The following RIMS1 variants were observed in gnomAD, a reference collection of about 807,000 sequenced individuals.
RIMS1 encodes regulating synaptic membrane exocytosis protein 1.
Under a neutral mutation model 214.1 loss-of-function variants are expected in RIMS1, and 83 were observed. The observed-to-expected ratio is 0.39, with a 90% CI of 0.32 to 0.47. RIMS1 has a LOEUF of 0.47. RIMS1 is among the 20% of genes least tolerant of loss of function. RIMS1 has a pLI of 0.99. For synonymous variants in RIMS1, 793 were observed against 786.8 expected, an observed-to-expected ratio of 1.01 and a Z score of -0.13; for missense variants, 2,050 against 2,161.8, an observed-to-expected ratio of 0.95 and a Z score of 1.03.
At chr6:72,008,858 C>T (rs1295661836) in intron 2 of RIMS1, among the ~76,000 whole-genome samples, 2 of 152,080 alleles carry the variant, frequency 1.3e-5, no homozygotes, top group African/African-American at 4.8e-5. Context: ...GACTTAGACT[C>T]CCACACAATA....
intron 6 of RIMS1, among the ~76,000 whole-genome samples, chr6:72,186,722 A>G (rs986106366): frequency 3.9e-5 from 6 of 152,102 alleles, no homozygotes; most frequent in Non-Finnish European, 8.8e-5. Flanking sequence ...ACAAAATATT[A>G]TAATTTAAGA....
intron 4 of RIMS1, among the ~76,000 whole-genome samples, chr6:72,115,930 CAT>C (rs1282215986): frequency 6.6e-6 from 1 of 151,774 alleles, no homozygotes; most frequent in East Asian, 1.9e-4. Context: ...CATGTTTAAA[CAT>C]ATTTTAGAAC....
intron 4 of RIMS1, among the ~76,000 whole-genome samples, chr6:72,104,703 T>G (rs1465041770): frequency 1.3e-5 from 2 of 152,216 alleles, no homozygotes; most frequent in Non-Finnish European, 2.9e-5. Flanking sequence ...CTTGCTGTTC[T>G]TATAAAAATT....
rs572956514 is a variant in RIMS1, at chr6:72,359,640, C to T, written c.4366+25805C>T. Among the ~76,000 whole-genome samples, 20 of 152,208 alleles carry T rather than the reference C, an allele frequency of 1.3e-4. No individual in the cohort carries two copies. In the South Asian group the frequency reaches 3.7e-3, roughly 28 times the overall value. On this transcript the variant is annotated intron_variant, in intron 29 of 33. Coordinates refer to ENST00000521978, the MANE Select transcript of RIMS1 (RefSeq NM_014989.7). ...CACCCATAGAGTCATCAAAACGTCC[C>T]TAGTACAAGAAAATTAATTGACTAC...
intron 16 of RIMS1, among the ~76,000 whole-genome samples, chr6:72,255,571 G>A (rs1181788918): frequency 1.3e-5 from 2 of 152,096 alleles, no homozygotes; most frequent in African/African-American, 2.4e-5. Context: ...TGTAGTTATA[G>A]CCTTATTGTT....
In RIMS1 at chr6:72,057,606, T is replaced by C. The variant is rs185679718; in HGVS notation, c.246-39343T>C. On this transcript the variant is annotated intron_variant, in intron 2 of 33. Coordinates refer to ENST00000521978, the MANE Select transcript of RIMS1 (RefSeq NM_014989.7). ...CACTGCAAGCTCCGCCTCCCAGGTT[T>C]ACGCCATTCTCCTGCTTCAGCCTCC... is the stretch of plus-strand genomic sequence containing the variant. Among the ~76,000 whole-genome samples, 197 of 151,686 alleles carry C rather than the reference T, an allele frequency of 1.3e-3. 2 individuals carry two copies. The East Asian group carries it at 0.027, about 21-fold the overall frequency.
chr6:72,262,892 T>C (rs1197061327), intron 19 of RIMS1: 7 of 540,008 alleles, frequency 1.3e-5, no homozygotes, highest in Non-Finnish European at 1.4e-5. Context: ...ATAACATTTA[T>C]TTAATAACAA....
intron 6 of RIMS1, among the ~76,000 whole-genome samples, chr6:72,213,515 A>G (rs1426430103): frequency 6.6e-6 from 1 of 152,198 alleles, no homozygotes; most frequent in East Asian, 1.9e-4. Context: ...TGAAGATTAG[A>G]AAATCAATGT....
chr6:72,016,432 G>C (rs921373447), intron 2 of RIMS1, among the ~76,000 whole-genome samples: 1 of 152,130 alleles, frequency 6.6e-6, no homozygotes, highest in Non-Finnish European at 1.5e-5. Flanking sequence ...AGTATTTACA[G>C]ATACTTTGTT....
intron 3 of RIMS1, among the ~76,000 whole-genome samples, chr6:72,098,345 C>T (rs2032510188): frequency 6.7e-6 from 1 of 149,454 alleles, no homozygotes; most frequent in Non-Finnish European, 1.5e-5. Context: ...GTCACCCAGG[C>T]TGGATTGCAG....
At chr6:72,328,900 C>T (rs1376649971) in intron 28 of RIMS1, among the ~76,000 whole-genome samples, 2 of 151,756 alleles carry the variant, frequency 1.3e-5, no homozygotes, top group African/African-American at 4.8e-5. Flanking sequence ...GCTGGCCAGC[C>T]GTCTGACAGA....
chr6:72,061,667 C>T (rs1476803389), intron 2 of RIMS1, among the ~76,000 whole-genome samples: 1 of 152,230 alleles, frequency 6.6e-6, no homozygotes, highest in Non-Finnish European at 1.5e-5. Context: ...CTCTAGTTTT[C>T]TGCTAAGCCT....
rs573872462 is a variant in RIMS1 at position 72,400,779 on chromosome 6, T to C, written c.*65T>C. On this transcript the variant is annotated 3_prime_UTR_variant, in exon 34 of 34. Transcript: ENST00000521978. ...TCAGGATAATAATCTGAACCAGATA[T>C]TTCATGATCGAAAGCATTGTTGGAG... is the stretch of plus-strand genomic sequence containing the variant. 1.7e-5 allele frequency: 22 copies of C among 1,296,424 alleles called. No homozygotes were observed. Among genetic ancestry groups the C allele is most frequent in the Admixed American group, 3.9e-5 (2 of 50,954 alleles). The allele number at this position is 1,296,424 out of a possible 1,614,324, so 80.3% of individuals were successfully genotyped here.
chr6:72,231,303 C>G (rs1282106855), intron 6 of RIMS1, among the ~76,000 whole-genome samples: 1 of 151,396 alleles, frequency 6.6e-6, no homozygotes, highest in Non-Finnish European at 1.5e-5. Flanking sequence ...TTTTGTAAGT[C>G]TTTAAGCAAA....
At chr6:72,228,005 C>G (rs1307360227) in intron 6 of RIMS1, among the ~76,000 whole-genome samples, 1 of 151,730 alleles carries the variant, frequency 6.6e-6, no homozygotes, top group Non-Finnish European at 1.5e-5. Flanking sequence ...GTATATTTGA[C>G]ATAGAAAAAA....
chr6:72,278,152 A>AATCTATCT (rs561604409), intron 23 of RIMS1, among the ~76,000 whole-genome samples: 2,121 of 128,244 alleles, frequency 0.017, 19 homozygotes, highest in Non-Finnish European at 0.023. Context: ...AATGGTTTTT[A>AATCTATCT]ATCTATCTAT....
chr6:71,965,683 C>T (rs1794248831), intron 1 of RIMS1, among the ~76,000 whole-genome samples: 1 of 152,174 alleles, frequency 6.6e-6, no homozygotes, highest in Non-Finnish European at 1.5e-5. Context: ...TTCAGTGATG[C>T]TTCAGTGATG....
intron 2 of RIMS1, among the ~76,000 whole-genome samples, chr6:72,054,466 G>A (rs983146521): frequency 6.6e-6 from 1 of 152,082 alleles, no homozygotes; most frequent in Non-Finnish European, 1.5e-5. Context: ...TGGCTTAAAT[G>A]GTATTTCTGG....
intron 26 of RIMS1, among the ~76,000 whole-genome samples, chr6:72,304,309 A>G (rs2094931923): frequency 1.3e-5 from 2 of 151,768 alleles, no homozygotes; most frequent in South Asian, 4.1e-4. Context: ...AATTGTTAAA[A>G]TAATATAAAA....
Sources: allele counts gnomAD v4.1 joint callset (sites outside exome capture counted in the v4.1 genomes callset), GRCh38; gene constraint gnomAD v4.1.1; transcripts MANE v1.5; gene names NCBI Gene and HGNC (gene_info 2026-07-23, HGNC 2026-07-21).